The following ERG variants were observed in gnomAD, a reference collection of about 807,000 sequenced individuals.
ERG encodes transcriptional regulator ERG.
ERG carries 9 observed loss-of-function variants against 55.3 expected under a neutral mutation model. The observed-to-expected ratio is 0.16, with a 90% CI of 0.10 to 0.28. The LOEUF is 0.28. ERG is among the 10% of genes least tolerant of loss of function. The pLI is 1.00. For synonymous variants in ERG, 223 were observed against 237.3 expected (o/e 0.94, Z 0.55); for missense variants, 434 against 631.6 (o/e 0.69, Z 3.35).
intron 3 of ERG, among the ~76,000 whole-genome samples, chr21:38,421,776 A>G (rs1989552771): frequency 6.6e-6 from 1 of 152,212 alleles, no homozygotes; most frequent in South Asian, 2.1e-4. Context: ...AGGCACTGCA[A>G]CTGGCCCTGG....
intron 2 of ERG, among the ~76,000 whole-genome samples, chr21:38,523,560 G>C (rs2059609884): frequency 6.6e-6 from 1 of 152,004 alleles, no homozygotes; most frequent in Non-Finnish European, 1.5e-5. Flanking sequence ...TGGTCACCCT[G>C]ATCTACTTCT....
chr21:38,580,220 T>C (rs923953133), intron 1 of ERG, among the ~76,000 whole-genome samples: 4 of 152,226 alleles, frequency 2.6e-5, no homozygotes, highest in Admixed American at 2.6e-4. Context: ...CCCAAAGTGC[T>C]GGGATTACAG....
chr21:38,386,139 C>T (rs1056338683), intron 9 of ERG, among the ~76,000 whole-genome samples: 1 of 152,080 alleles, frequency 6.6e-6, no homozygotes, highest in Admixed American at 6.6e-5. Flanking sequence ...AAGCAGGGGA[C>T]CTAAATTTGT....
intron 1 of ERG, among the ~76,000 whole-genome samples, chr21:38,599,485 T>C (rs1023968987): frequency 1.3e-5 from 2 of 152,174 alleles, no homozygotes; most frequent in African/African-American, 4.8e-5. Flanking sequence ...TTATGATGCA[T>C]GGCCAAGTAA....
At chr21:38,608,516 G>A (rs2060208653) in intron 1 of ERG, among the ~76,000 whole-genome samples, 1 of 152,166 alleles carries the variant, frequency 6.6e-6, no homozygotes, top group Non-Finnish European at 1.5e-5. Context: ...CTTCATTATA[G>A]AGAGAGGTTG....
chr21:38,620,805 C>A (rs2060285721), intron 1 of ERG, among the ~76,000 whole-genome samples: 1 of 152,190 alleles, frequency 6.6e-6, no homozygotes, highest in South Asian at 2.1e-4. Flanking sequence ...TCCGCAGCAG[C>A]AGGCTGGTAA....
chr21:38,454,907 T>A (rs946849884), intron 1 of ERG, among the ~76,000 whole-genome samples: 1 of 152,178 alleles, frequency 6.6e-6, no homozygotes, highest in Non-Finnish European at 1.5e-5. Context: ...GCCTTTTTGG[T>A]CCCTGGTCCA....
rs117993088 is a variant in ERG, at chr21:38,527,467, G to A, written c.-41+48195C>T. On this transcript the variant is annotated intron_variant, in intron 2 of 8. Transcript: ENST00000398897. ...TGCTTAGTGAACGCTGAGGAATGAC[G>A]GGTTAAATAATCCCTGAATGATTCC... Among the ~76,000 whole-genome samples, 400 of 152,292 alleles carry A rather than the reference G, an allele frequency of 2.6e-3. 1 individual carries two copies. The highest frequency in any genetic ancestry group is 9.0e-3 in the African/African-American group (374 of 41,578).
chr21:38,596,163 G>C (rs555245618), intron 1 of ERG, among the ~76,000 whole-genome samples: 2 of 152,080 alleles, frequency 1.3e-5, no homozygotes, highest in South Asian at 4.2e-4. Flanking sequence ...CCCTTCTTCT[G>C]TGTCGTGGTA....
chr21:38,485,268 C>A (rs2059272734), intron 1 of ERG, among the ~76,000 whole-genome samples: 2 of 151,642 alleles, frequency 1.3e-5, no homozygotes, highest in South Asian at 4.2e-4. Flanking sequence ...AAAAATAGAA[C>A]AAAGCTTATT....
chr21:38,438,422 T>C (rs188459827), intron 2 of ERG, among the ~76,000 whole-genome samples: 197 of 152,300 alleles, frequency 1.3e-3, no homozygotes, highest in African/African-American at 4.4e-3. Context: ...TAAATATTCA[T>C]TGAATGAATG....
chr21:38,527,941 G>A (rs2146763703), intron 2 of ERG, among the ~76,000 whole-genome samples: 1 of 152,302 alleles, frequency 6.6e-6, no homozygotes, highest in African/African-American at 2.4e-5. Flanking sequence ...ACCCTGGGCG[G>A]CTTCCGCCAC....
chr21:38,397,079 G>T (rs947231189), intron 6 of ERG, among the ~76,000 whole-genome samples: 5 of 152,230 alleles, frequency 3.3e-5, no homozygotes, highest in Admixed American at 1.3e-4. Flanking sequence ...GAAAATACTA[G>T]GTACGGGCAT....
chr21:38,469,096 A>T (rs534538849), intron 1 of ERG, among the ~76,000 whole-genome samples: 3 of 151,502 alleles, frequency 2.0e-5, no homozygotes, highest in Non-Finnish European at 4.4e-5. Context: ...TGGCCTTGAC[A>T]TGCCACTGGG....
chr21:38,424,183 T>G (rs62217909), intron 2 of ERG, among the ~76,000 whole-genome samples: 2 of 31,042 alleles, frequency 6.4e-5, no homozygotes, highest in African/African-American at 1.2e-4. Flanking sequence ...AGACCAGAGC[T>G]CGAGCTCTCT....
At chr21:38,620,329 CG>C (rs35512930) in intron 1 of ERG, among the ~76,000 whole-genome samples, 152,293 of 152,294 alleles carry the variant, frequency 1, 76,146 homozygotes, top group Non-Finnish European at 1. Flanking sequence ...TCTCCCAGGA[CG>C]TAAAAACAAT....
chr21:38,382,704 C>T lies in ERG; in HGVS notation c.*699G>A. On this transcript the variant is annotated 3_prime_UTR_variant, in exon 10 of 10. Coordinates refer to ENST00000288319, the MANE Select transcript of ERG (RefSeq NM_182918.4). The stretch of plus-strand genomic sequence containing the variant: ...TGCCTCTTCCTCCTCCTTCTTCACC[C>T]CTCTGTCTACAATCACACGCTCACT... The T allele has an allele frequency of 9.4e-7, 1 of 1,066,936 alleles. No homozygotes were observed. The highest frequency in any genetic ancestry group is 4.5e-5 in the South Asian group (1 of 21,984). 66.1% of individuals were successfully genotyped at this position (1,066,936 alleles called of 1,614,324 possible). A position where few individuals can be genotyped will look rare whatever the true frequency, so the allele number is the denominator to read the frequency against.
intron 2 of ERG, among the ~76,000 whole-genome samples, chr21:38,439,009 CA>C (rs2058816623): frequency 6.6e-6 from 1 of 152,212 alleles, no homozygotes; most frequent in Admixed American, 6.5e-5. Context: ...TGAGAATCAC[CA>C]CACCGGGGGA....
chr21:38,474,129 A>C (rs777079557), intron 1 of ERG: 5 of 152,184 alleles, frequency 3.3e-5, no homozygotes, highest in Non-Finnish European at 5.9e-5. Flanking sequence ...TAACTGTGAG[A>C]GGTAAAACCC....
Sources: allele counts gnomAD v4.1 joint callset (sites outside exome capture counted in the v4.1 genomes callset), GRCh38; gene constraint gnomAD v4.1.1; transcripts MANE v1.5; gene names NCBI Gene and HGNC (gene_info 2026-07-23, HGNC 2026-07-21).